The following PAK3 variants were observed in gnomAD, a reference collection of about 807,000 sequenced individuals.
The protein encoded by PAK3 is p21 (RAC1) activated kinase 3, also known as serine/threonine-protein kinase PAK 3.
A neutral mutation model predicts 41.0 loss-of-function variants in PAK3; 4 were observed. The ratio of observed to expected loss-of-function variants is 0.10; its 90% CI spans 0.05 to 0.22. The LOEUF (loss-of-function observed/expected upper bound fraction) is 0.22, where lower values mean the gene tolerates loss of function less well. Ranked by LOEUF, PAK3 falls within the 10% of genes least tolerant of loss-of-function variation. The pLI is 1.00. For synonymous variants in PAK3, 146 were observed against 139.6 expected, an observed-to-expected ratio of 1.05 and a Z score of -0.32; for missense variants, 205 against 409.9, an observed-to-expected ratio of 0.50 and a Z score of 4.32.
chrX:111,129,616 A>G (rs1243317803), intron 5 of PAK3, among the ~76,000 whole-genome samples: 1 of 111,732 alleles, frequency 8.9e-6, no homozygotes, highest in Non-Finnish European at 1.9e-5. Flanking sequence ...CTTTAAGGCC[A>G]ATGAATGGGG....
chrX:111,226,578 A>G lies in PAK3; in HGVS notation c.*6131A>G, dbSNP rs2094954160. The G allele has an allele frequency of 8.9e-6, 1 of 112,517 alleles. No individual in the cohort carries two copies. The allele number at this position is 112,517 out of a possible 1,213,427, so 9.3% of individuals were successfully genotyped here. On this transcript the variant is annotated 3_prime_UTR_variant, in exon 18 of 18. Coordinates refer to ENST00000372007, the MANE Select transcript of PAK3 (RefSeq NM_002578.5). ...TGCAGAGAGAAATGAAAAAGTAATT[A>G]CATGCTATTAGCATTGAGAAATGTT...
intron 1 of PAK3, among the ~76,000 whole-genome samples, chrX:111,058,199 G>A (rs1446310333): frequency 9.0e-6 from 1 of 111,669 alleles, no homozygotes; most frequent in Non-Finnish European, 1.9e-5. Flanking sequence ...ATATACCTAG[G>A]AGTGAAATTG....
chrX:111,078,559 T>C (rs1172822246), intron 1 of PAK3, among the ~76,000 whole-genome samples: 1 of 111,089 alleles, frequency 9.0e-6, no homozygotes, highest in East Asian at 2.8e-4. Flanking sequence ...CCAGCTGTCC[T>C]CCCATCTCTC....
rs996708257 is a variant in PAK3, at chrX:111,196,607, T to C, written c.1374T>C (p.Gly458=). The change falls in exon 16 of 18, where the codon GGT becomes GGC. Residue 458 remains glycine (G), a synonymous_variant. Coordinates refer to ENST00000372007, the MANE Select transcript of PAK3 (RefSeq NM_002578.5). The part of the protein sequence containing the change: ...LGIMAIEMVE[G]EPPYLNENPL... ...TTATGGCAATTGAAATGGTGGAAGG[T>C]GAACCCCCTTACCTTAATGAAAATC... 7.5e-6 allele frequency: 9 copies of C among 1,196,570 alleles called. No homozygotes were observed. Among genetic ancestry groups the C allele is most frequent in the Non-Finnish European group, 1.0e-5 (9 of 883,839 alleles).
At position 111,173,055 on chromosome X, in the gene PAK3, C is replaced by T; in HGVS notation, c.804C>T (p.Tyr268=). 8.9e-7 allele frequency: 1 copy of T among 1,126,890 alleles called. No homozygotes were observed. Among genetic ancestry groups the T allele is most frequent in the Non-Finnish European group, 1.2e-6 (1 of 819,855 alleles). 92.9% of individuals were successfully genotyped at this position (1,126,890 alleles called of 1,213,427 possible). Residue 268 remains tyrosine (Y), a synonymous_variant, in exon 11 of 18, where the codon TAC becomes TAT. Coordinates refer to ENST00000372007, the MANE Select transcript of PAK3 (RefSeq NM_002578.5). ...IVSVGDPKKK[Y]TRFEKIGQGA... ...GTGTTGGGGACCCAAAGAAAAAATA[C>T]ACAAGATTTGAAAAAATTGGTCAAG...
intron 5 of PAK3, among the ~76,000 whole-genome samples, chrX:111,133,881 A>G (rs1206966510): frequency 8.9e-6 from 1 of 112,025 alleles, no homozygotes; most frequent in Non-Finnish European, 1.9e-5. Context: ...TTGTGCTTTT[A>G]GGCTAAATTT....
chrX:111,115,178 G>T (rs1482630187), intron 4 of PAK3, among the ~76,000 whole-genome samples: 1 of 112,154 alleles, frequency 8.9e-6, no homozygotes, highest in Non-Finnish European at 1.9e-5. Flanking sequence ...TAAGTGGACA[G>T]CAGCAGCTGC....
At chrX:110,950,160 G>C (rs1273985897) in intron 1 of PAK3, among the ~76,000 whole-genome samples, 2 of 111,485 alleles carry the variant, frequency 1.8e-5, no homozygotes, top group African/African-American at 6.5e-5. Context: ...AAGAACACAT[G>C]CTCATTCTTG....
intron 1 of PAK3, among the ~76,000 whole-genome samples, chrX:111,046,118 G>A (rs1424900531): frequency 9.0e-6 from 1 of 111,710 alleles, no homozygotes; most frequent in Non-Finnish European, 1.9e-5. Context: ...GGGGGCTGAG[G>A]CTGGGAAAGG....
At chrX:111,103,591 A>G (rs1020774634) in intron 4 of PAK3, among the ~76,000 whole-genome samples, 1 of 112,041 alleles carries the variant, frequency 8.9e-6, no homozygotes, top group African/African-American at 3.2e-5. Context: ...GTCAAGCACC[A>G]TCTAAGAGCT....
intron 1 of PAK3, among the ~76,000 whole-genome samples, chrX:110,962,303 C>G (rs2090996419): frequency 9.0e-6 from 1 of 111,596 alleles, no homozygotes; most frequent in Non-Finnish European, 1.9e-5. Flanking sequence ...CAAGATTCCT[C>G]CTTCATCTCC....
Position 111,142,128 on chromosome X carries a change from A to T in PAK3, c.208A>T (p.Ile70Phe). The T allele has an allele frequency of 8.4e-7, 1 of 1,196,888 alleles. No individual in the cohort carries two copies. ...GAAGAAGGAGAAAGAGCGCCCAGAG[A>T]TCTCTCTTCCTTCAGACTTTGAGCA... ...NKKKEKERPE[I>F]SLPSDFEHTI... Residue 70 changes from isoleucine to phenylalanine, a missense_variant, in exon 6 of 18, where the codon ATC becomes TTC. This residue lies in a region of PAK3 where 22 missense variants were observed against 83.5 expected (regional missense o/e 0.26). Transcript: ENST00000372007.
chrX:110,962,129 C>A (rs1260190582), intron 1 of PAK3, among the ~76,000 whole-genome samples: 1 of 111,936 alleles, frequency 8.9e-6, no homozygotes, highest in Non-Finnish European at 1.9e-5. Context: ...AGATATATTA[C>A]CCCCACTATG....
intron 1 of PAK3, among the ~76,000 whole-genome samples, chrX:111,064,485 T>C (rs1393598673): frequency 2.0e-5 from 2 of 99,743 alleles, no homozygotes; most frequent in Admixed American, 1.1e-4. Flanking sequence ...TGTCTATTGC[T>C]GCCATCTTTA....
intron 1 of PAK3, among the ~76,000 whole-genome samples, chrX:110,945,155 G>C (rs1345929736): frequency 8.9e-6 from 1 of 112,349 alleles, no homozygotes; most frequent in East Asian, 2.8e-4. Flanking sequence ...ACACAGGAAT[G>C]CAGTGGTGTG....
At chrX:111,077,016 TC>T (rs752558619) in intron 1 of PAK3, among the ~76,000 whole-genome samples, 9 of 108,831 alleles carry the variant, frequency 8.3e-5, no homozygotes, top group East Asian at 2.9e-4. Context: ...TAATGAACTA[TC>T]CCCCCCCAAA....
At position 111,044,216 on chromosome X, in the gene PAK3, A is replaced by C. The variant is rs148793380; in HGVS notation, c.-27-78861A>C. On this transcript the variant is annotated intron_variant, in intron 1 of 14. Transcript: ENST00000425146. The stretch of plus-strand genomic sequence containing the variant: ...TGAAGTTACTTGCCCAGAGCCAGAC[A>C]GTGAATTAGTGACAGATCTTGAAAG... 6.8e-4 allele frequency among the ~76,000 whole-genome samples: 76 copies of C among 111,925 alleles called. No individual in the cohort carries two copies. The East Asian group carries it at 0.016, about 24-fold the overall frequency.
intron 1 of PAK3, among the ~76,000 whole-genome samples, chrX:111,048,932 T>C (rs764699152): frequency 2.7e-5 from 3 of 111,965 alleles, no homozygotes; most frequent in African/African-American, 9.7e-5. Context: ...AACCATCCAA[T>C]AGCTTCCTGT....
At position 111,146,186 on chromosome X, in the gene PAK3, CTTGCCTCCAAATTCATGTTT is replaced by C. The variant is rs2093941763; in HGVS notation, c.277-1550_277-1531del. 2.7e-5 allele frequency among the ~76,000 whole-genome samples: 3 copies of C among 112,305 alleles called. No individual in the cohort carries two copies. The South Asian group carries it at 1.1e-3, about 42-fold the overall frequency. ...CAAAGCTTTTCATGATGCCATCCTT[CTTGCCTCCAAATTCATGTTT>C]CTGCCTTTTAATAATTTCTCCAATC... is the stretch of plus-strand genomic sequence containing the variant. On this transcript the variant is annotated intron_variant, in intron 6 of 17. Coordinates refer to ENST00000372007, the MANE Select transcript of PAK3 (RefSeq NM_002578.5).
Sources: gnomAD v4.1 joint callset for allele counts (sites outside exome capture counted in the v4.1 genomes callset) on GRCh38, gnomAD v4.1.1 for gene constraint, gnomAD v4.1.1 regional missense constraint, MANE v1.5 for transcripts, NCBI Gene and HGNC (gene_info 2026-07-23, HGNC 2026-07-21) for gene names.